The following CBLN2 variants were observed in gnomAD, a reference collection of about 807,000 sequenced individuals.
The protein encoded by CBLN2 is cerebellin 2 precursor.
Under a neutral mutation model 15.0 loss-of-function variants are expected in CBLN2, and 7 were observed. The observed-to-expected ratio is 0.47, with a 90% CI of 0.27 to 0.88. CBLN2 has a LOEUF of 0.88. CBLN2 is among the 40% of genes least tolerant of loss of function. The pLI is 0.14. For synonymous variants in CBLN2, 149 were observed against 135.2 expected, an observed-to-expected ratio of 1.10 and a Z score of -0.71; for missense variants, 242 against 304.5, an observed-to-expected ratio of 0.79 and a Z score of 1.53.
At chr18:72,559,317 C>T (rs1057091707) in intron 1 of CBLN2, among the ~76,000 whole-genome samples, 1 of 152,174 alleles carries the variant, frequency 6.6e-6, no homozygotes, top group African/African-American at 2.4e-5. Context: ...AACAATTTCT[C>T]TGTAGCTGTG....
chr18:72,598,747 T>G (rs2144939611), intron 1 of CBLN2, among the ~76,000 whole-genome samples: 1 of 152,338 alleles, frequency 6.6e-6, no homozygotes, highest in East Asian at 1.9e-4. Context: ...GATGGACGAT[T>G]TGCCTCTGGC....
intron 1 of CBLN2, among the ~76,000 whole-genome samples, chr18:72,581,169 A>G (rs2069401079): frequency 6.6e-6 from 1 of 152,162 alleles, no homozygotes; most frequent in Non-Finnish European, 1.5e-5. Flanking sequence ...CAGGAGCCCA[A>G]TCTCTTTTCC....
chr18:72,568,510 G>T (rs554385184), intron 1 of CBLN2, among the ~76,000 whole-genome samples: 43 of 151,398 alleles, frequency 2.8e-4, no homozygotes, highest in South Asian at 1.9e-3. Flanking sequence ...CATGAATTTT[G>T]CAAGCCAGTC....
intron 1 of CBLN2, among the ~76,000 whole-genome samples, chr18:72,573,119 T>A (rs2069342850): frequency 6.6e-6 from 1 of 152,206 alleles, no homozygotes; most frequent in Non-Finnish European, 1.5e-5. Context: ...ATATCAACAT[T>A]GTAAAACTCA....
At chr18:72,612,269 T>C (rs2069627459) in intron 1 of CBLN2, among the ~76,000 whole-genome samples, 1 of 152,172 alleles carries the variant, frequency 6.6e-6, no homozygotes, top group African/African-American at 2.4e-5. Context: ...TTTTTCTAGT[T>C]TGAAAAATGA....
Position 72,537,905 on chromosome 18 carries a change from C to T in CBLN2, c.*271G>A. ...TAAAATCCGATATTGACTTTACAAT[C>T]ACAGGTACAAATTGCTCAAATCGAT... On this transcript the variant is annotated 3_prime_UTR_variant, in exon 5 of 5. Coordinates refer to ENST00000269503, the MANE Select transcript of CBLN2 (RefSeq NM_182511.4). The T allele has an allele frequency of 2.0e-6, 1 of 495,106 alleles. No individual in the cohort carries two copies. Among genetic ancestry groups the T allele is most frequent in the Non-Finnish European group, 3.6e-6 (1 of 274,850 alleles). The allele number at this position is 495,106 out of a possible 1,614,324, so 30.7% of individuals were successfully genotyped here. A position where few individuals can be genotyped will look rare whatever the true frequency, so the allele number is the denominator to read the frequency against.
chr18:72,570,123 G>A (rs1486076391), intron 1 of CBLN2, among the ~76,000 whole-genome samples: 1 of 152,076 alleles, frequency 6.6e-6, no homozygotes, highest in African/African-American at 2.4e-5. Flanking sequence ...AAATCCTAGA[G>A]GAATTATAGA....
chr18:72,636,793 G>T (rs757535979), intron 1 of CBLN2, among the ~76,000 whole-genome samples: 2 of 152,070 alleles, frequency 1.3e-5, no homozygotes, highest in Non-Finnish European at 2.9e-5. Flanking sequence ...ACTTGGCATG[G>T]TTGTTGTAAG....
chr18:72,599,711 A>C (rs2144940781), intron 1 of CBLN2, among the ~76,000 whole-genome samples: 1 of 152,342 alleles, frequency 6.6e-6, no homozygotes, highest in African/African-American at 2.4e-5. Context: ...AGAAGGAATA[A>C]TTGATAAATC....
intron 1 of CBLN2, among the ~76,000 whole-genome samples, chr18:72,628,101 G>A (rs987735317): frequency 2.6e-5 from 4 of 152,160 alleles, no homozygotes; most frequent in Admixed American, 1.3e-4. Context: ...GGCTGCCTTG[G>A]TGGGCATGCA....
chr18:72,634,655 T>C (rs2069800413), intron 1 of CBLN2, among the ~76,000 whole-genome samples: 1 of 152,154 alleles, frequency 6.6e-6, no homozygotes, highest in Non-Finnish European at 1.5e-5. Flanking sequence ...CATGGCAGGC[T>C]GGTGTCAGGG....
intron 1 of CBLN2, among the ~76,000 whole-genome samples, chr18:72,636,083 T>C (rs1056584695): frequency 1.3e-5 from 2 of 152,178 alleles, no homozygotes; most frequent in African/African-American, 4.8e-5. Flanking sequence ...AAATAAATGA[T>C]CTATGTCAAA....
At chr18:72,631,204 C>T (rs904638242) in intron 1 of CBLN2, 1 of 152,096 alleles carries the variant, frequency 6.6e-6, no homozygotes, top group Admixed American at 6.5e-5. Context: ...CGTTCTAAAG[C>T]AATCTATACT....
At chr18:72,540,614 C>A (rs1444111523) in intron 3 of CBLN2, among the ~76,000 whole-genome samples, 1 of 151,712 alleles carries the variant, frequency 6.6e-6, no homozygotes, top group Admixed American at 6.6e-5. Flanking sequence ...TGGACATAAT[C>A]AAAATAAATA....
chr18:72,584,470 T>G (rs2069428726), intron 1 of CBLN2, among the ~76,000 whole-genome samples: 1 of 151,578 alleles, frequency 6.6e-6, no homozygotes, highest in Non-Finnish European at 1.5e-5. Flanking sequence ...CCCAGCTAAT[T>G]TTTTAATTTT....
intron 1 of CBLN2, among the ~76,000 whole-genome samples, chr18:72,551,920 T>A (rs1426621692): frequency 6.6e-6 from 1 of 152,194 alleles, no homozygotes; most frequent in Non-Finnish European, 1.5e-5. Flanking sequence ...ATTTTGAGAT[T>A]GTACATTTGT....
At chr18:72,589,794 G>T (rs531340831) in intron 1 of CBLN2, among the ~76,000 whole-genome samples, 4 of 152,288 alleles carry the variant, frequency 2.6e-5, no homozygotes, top group African/African-American at 9.6e-5. Context: ...CACAGTGAGG[G>T]CCACAGGTGA....
At chr18:72,539,037 G>A in intron 3 of CBLN2, 1 of 378,456 alleles carries the variant, frequency 2.6e-6, no homozygotes, top group Non-Finnish European at 4.9e-6. Context: ...TTCAAAAACT[G>A]GCTGTGAATT....
At chr18:72,581,268 T>A (rs1428586493) in intron 1 of CBLN2, among the ~76,000 whole-genome samples, 1 of 152,214 alleles carries the variant, frequency 6.6e-6, no homozygotes, top group Non-Finnish European at 1.5e-5. Flanking sequence ...ATAAATTGCT[T>A]AGTCATATGA....
Sources: allele counts gnomAD v4.1 joint callset (sites outside exome capture counted in the v4.1 genomes callset), GRCh38; gene constraint gnomAD v4.1.1; transcripts MANE v1.5; gene names NCBI Gene and HGNC (gene_info 2026-07-23, HGNC 2026-07-21).